Variants in EIF2S2 observed in about 807,000 individuals in gnomAD.
EIF2S2 encodes eukaryotic translation initiation factor 2 subunit beta.
Under a neutral mutation model 44.0 loss-of-function variants are expected in EIF2S2, and 4 were observed. That is an observed-to-expected ratio of 0.09 (90% CI 0.04 to 0.21). The LOEUF (loss-of-function observed/expected upper bound fraction) is 0.21. Ranked by LOEUF, EIF2S2 falls within the 10% of genes least tolerant of loss-of-function variation. The pLI, the probability that EIF2S2 is intolerant of heterozygous loss-of-function variation, is 1.00. For synonymous variants in EIF2S2, 108 were observed against 128.3 expected, an observed-to-expected ratio of 0.84 and a Z score of 1.07; for missense variants, 154 against 392.0, an observed-to-expected ratio of 0.39 and a Z score of 5.13.
chr20:34,096,788 G>A lies in EIF2S2; in HGVS notation c.552C>T (p.Phe184=). ...CTGGATTCTTTTCCCTCATGATGTT[G>A]AACACTCGATTCAGCAGCTATAAAA... ...YTYEELLNRV[F]NIMREKNPDM... The change falls in exon 6 of 9, where the codon TTC becomes TTT. Residue 184 remains phenylalanine, a synonymous_variant. Coordinates refer to ENST00000374980, the MANE Select transcript of EIF2S2 (RefSeq NM_003908.5). 5 of 1,608,862 alleles carry A rather than the reference G, an allele frequency of 3.1e-6. No individual in the cohort carries two copies. Among genetic ancestry groups the A allele is most frequent in the Non-Finnish European group, 4.2e-6 (5 of 1,178,642 alleles).
chr20:34,091,441 T>TGTG (rs1456152429), intron 7 of EIF2S2, among the ~76,000 whole-genome samples: 9 of 151,984 alleles, frequency 5.9e-5, no homozygotes, highest in African/African-American at 2.2e-4. Flanking sequence ...TGGGGCCAGG[T>TGTG]GTGGTGGCTC....
intron 7 of EIF2S2, 45 bp downstream of exon 7, chr20:34,093,630 T>G: frequency 6.7e-7 from 1 of 1,494,150 alleles, no homozygotes; most frequent in Non-Finnish European, 9.1e-7. Context: ...AAGGTTCTTA[T>G]GAAATGTCCA....
intron 1 of EIF2S2, among the ~76,000 whole-genome samples, chr20:34,107,372 C>T (rs1376007602): frequency 6.6e-6 from 1 of 152,116 alleles, no homozygotes; most frequent in African/African-American, 2.4e-5. Flanking sequence ...GTCTGGAGCC[C>T]ATCTGACTAG....
intron 1 of EIF2S2, among the ~76,000 whole-genome samples, chr20:34,106,813 TG>T (rs1431816233): frequency 1.3e-5 from 2 of 152,190 alleles, no homozygotes; most frequent in Non-Finnish European, 2.9e-5. Flanking sequence ...CTGCTTGCAC[TG>T]ATCACTTGAA....
In EIF2S2 at chr20:34,092,730, C is replaced by A. The variant is rs180917796; in HGVS notation, c.740+945G>T. On this transcript the variant is annotated intron_variant, in intron 7 of 8. Transcript: ENST00000374980. ...TACAACAGAGCCTACGTATCCACCA[C>A]GGTCAAGTAAATTACCCCTTAACCC... 3.3e-5 allele frequency among the ~76,000 whole-genome samples: 5 copies of A among 152,242 alleles called. No homozygotes were observed. In the East Asian group the frequency reaches 9.7e-4, roughly 29 times the overall value.
chr20:34,100,279 T>C lies in EIF2S2; in HGVS notation c.298-1646A>G, dbSNP rs1043169322. Among the ~76,000 whole-genome samples, 3 of 152,166 alleles carry C rather than the reference T, an allele frequency of 2.0e-5. No homozygotes were observed. The East Asian group carries it at 5.8e-4, about 29-fold the overall frequency. On this transcript the variant is annotated intron_variant, in intron 3 of 8. Coordinates refer to ENST00000374980, the MANE Select transcript of EIF2S2 (RefSeq NM_003908.5). ...ATCCACCGGCCCGGGCCTCCCAAAGTGCTGGGATTATAGGTGTGAGCCACT... is the reference window on the plus strand; with the variant it reads ...ATCCACCGGCCCGGGCCTCCCAAAGCGCTGGGATTATAGGTGTGAGCCACT...
chr20:34,112,156 T>C lies in EIF2S2; in HGVS notation c.-46A>G. 1 of 1,518,948 alleles carries C rather than the reference T, an allele frequency of 6.6e-7. No homozygotes were observed. The highest frequency in any genetic ancestry group is 8.9e-7 in the Non-Finnish European group (1 of 1,127,178). 94.1% of individuals were successfully genotyped at this position (1,518,948 alleles called of 1,614,324 possible). On this transcript the variant is annotated 5_prime_UTR_variant, in exon 1 of 9. Coordinates refer to ENST00000374980, the MANE Select transcript of EIF2S2 (RefSeq NM_003908.5). ...CGGCACGGACGGGAAGTCAGACGGG[T>C]CAGCCCCAGGCCCCGGCGGCAGCGC... is the stretch of plus-strand genomic sequence containing the variant.
At chr20:34,097,340 C>A in intron 5 of EIF2S2, 76 bp downstream of exon 5, 2 of 1,267,390 alleles carry the variant, frequency 1.6e-6, no homozygotes, top group Non-Finnish European at 1.1e-6. Flanking sequence ...AACGGCCGTT[C>A]CAATAAGATT....
intron 3 of EIF2S2, among the ~76,000 whole-genome samples, chr20:34,100,261 G>A (rs746545372): frequency 6.6e-6 from 1 of 152,060 alleles, no homozygotes; most frequent in African/African-American, 2.4e-5. Flanking sequence ...GTGATCCACC[G>A]GCCCGGGCCT....
chr20:34,107,991 G>A (rs1207742881), intron 1 of EIF2S2, among the ~76,000 whole-genome samples: 5 of 152,158 alleles, frequency 3.3e-5, no homozygotes, highest in South Asian at 2.1e-4. Context: ...ATAATACAGG[G>A]AAGTAGCTAC....
intron 1 of EIF2S2, 84 bp downstream of exon 1, chr20:34,112,012 G>A: frequency 6.2e-6 from 8 of 1,293,170 alleles, no homozygotes; most frequent in Non-Finnish European, 7.0e-6. Context: ...CCGGCTGCTA[G>A]GCCGCAGGCC....
intron 1 of EIF2S2, among the ~76,000 whole-genome samples, chr20:34,106,822 GAAGA>G (rs1391038169): frequency 6.6e-6 from 1 of 152,124 alleles, no homozygotes; most frequent in Admixed American, 6.6e-5. Flanking sequence ...CTGATCACTT[GAAGA>G]AAGAAAAGTT....
chr20:34,107,957 TC>T (rs1355226740), intron 1 of EIF2S2, among the ~76,000 whole-genome samples: 1 of 151,456 alleles, frequency 6.6e-6, no homozygotes, highest in Admixed American at 6.6e-5. Flanking sequence ...GAGGAAAGAG[TC>T]CCCCACTGCA....
At chr20:34,111,527 G>A (rs2034412121) in intron 1 of EIF2S2, among the ~76,000 whole-genome samples, 1 of 152,208 alleles carries the variant, frequency 6.6e-6, no homozygotes, top group African/African-American at 2.4e-5. Context: ...TTTCCGGGAA[G>A]GTCAGTCACT....
chr20:34,103,374 T>G lies in EIF2S2; in HGVS notation c.297+88A>C, dbSNP rs1036079647. On this transcript the variant is annotated intron_variant, in intron 3 of 8. Coordinates refer to ENST00000374980, the MANE Select transcript of EIF2S2 (RefSeq NM_003908.5). ...GTGCTAATAACAAAAGCAAAGCTAGTAAGAGATGAGTCAAAGAGAGGGAAA... is the reference window on the plus strand; with the variant it reads ...GTGCTAATAACAAAAGCAAAGCTAGGAAGAGATGAGTCAAAGAGAGGGAAA... The G allele has an allele frequency of 5.5e-5, 80 of 1,444,912 alleles. No homozygotes were observed. In the East Asian group the frequency reaches 2.2e-3, roughly 39 times the overall value. 89.5% of individuals were successfully genotyped at this position (1,444,912 alleles called of 1,614,324 possible).
At chr20:34,111,122 T>G (rs2034407155) in intron 1 of EIF2S2, among the ~76,000 whole-genome samples, 1 of 152,212 alleles carries the variant, frequency 6.6e-6, no homozygotes, top group African/African-American at 2.4e-5. Flanking sequence ...CAGCCCTCCA[T>G]GAACTAGTCA....
chr20:34,092,620 CTG>C (rs2034179985), intron 7 of EIF2S2, among the ~76,000 whole-genome samples: 1 of 152,126 alleles, frequency 6.6e-6, no homozygotes, highest in South Asian at 2.1e-4. Flanking sequence ...TGAGCCGAGA[CTG>C]TGCCACTGCA....
At chr20:34,106,427 CTTTTTT>C (rs55646105) in intron 1 of EIF2S2, among the ~76,000 whole-genome samples, 4 of 140,904 alleles carry the variant, frequency 2.8e-5, no homozygotes, top group Admixed American at 7.1e-5. Flanking sequence ...ATTAAAGGTT[CTTTTTT>C]TTTTTTTTTT....
At chr20:34,106,686 C>T (rs570236807) in intron 1 of EIF2S2, among the ~76,000 whole-genome samples, 1 of 152,256 alleles carries the variant, frequency 6.6e-6, no homozygotes, top group Admixed American at 6.5e-5. Flanking sequence ...CCAGCTTCAG[C>T]CTCCCAGTGT....
Sources: gnomAD v4.1 joint callset for allele counts (sites outside exome capture counted in the v4.1 genomes callset) on GRCh38, gnomAD v4.1.1 for gene constraint, MANE v1.5 for transcripts, NCBI Gene and HGNC (gene_info 2026-07-23, HGNC 2026-07-21) for gene names.